Variants in PRKCH observed in about 807,000 individuals in gnomAD.
The protein encoded by PRKCH is protein kinase C eta.
A neutral mutation model predicts 82.5 loss-of-function variants in PRKCH; 28 were observed. The ratio of observed to expected loss-of-function variants is 0.34; its 90% CI spans 0.25 to 0.47. The LOEUF is 0.47. PRKCH is among the 20% of genes least tolerant of loss of function. The pLI is 1.00. For synonymous variants in PRKCH, 322 were observed against 327.4 expected (o/e 0.98, Z 0.18); for missense variants, 705 against 881.8 (o/e 0.80, Z 2.54).
chr14:61,416,204 C>T (rs755839818), intron 2 of PRKCH, among the ~76,000 whole-genome samples: 4 of 151,874 alleles, frequency 2.6e-5, no homozygotes, highest in African/African-American at 4.8e-5. Flanking sequence ...TACAGGTGTG[C>T]ACCACCAAGC....
chr14:61,296,919 T>C (rs1217218998), intron 1 of PRKCH, among the ~76,000 whole-genome samples: 1 of 152,226 alleles, frequency 6.6e-6, no homozygotes, highest in Non-Finnish European at 1.5e-5. Context: ...TGTAGTTATC[T>C]ATGCAATATG....
At chr14:61,227,475 T>C (rs945889730) in intron 1 of PRKCH, among the ~76,000 whole-genome samples, 13 of 152,124 alleles carry the variant, frequency 8.5e-5, no homozygotes, top group African/African-American at 3.1e-4. Flanking sequence ...GCGCCCGTAG[T>C]CCCAGCGACT....
At chr14:61,240,595 G>A (rs544689922) in intron 1 of PRKCH, among the ~76,000 whole-genome samples, 87 of 151,758 alleles carry the variant, frequency 5.7e-4, no homozygotes, top group African/African-American at 2.0e-3. Flanking sequence ...AGCCTCTTTC[G>A]GTTAGAAAGG....
At chr14:61,250,050 A>T (rs1451615580) in intron 1 of PRKCH, among the ~76,000 whole-genome samples, 1 of 142,090 alleles carries the variant, frequency 7.0e-6, no homozygotes, top group Non-Finnish European at 1.5e-5. Flanking sequence ...ACTTGAGGTC[A>T]GGAGTTCAAG....
chr14:61,408,629 A>G (rs1010379586), intron 2 of PRKCH, among the ~76,000 whole-genome samples: 1 of 152,204 alleles, frequency 6.6e-6, no homozygotes, highest in Admixed American at 6.5e-5. Context: ...CAAAGGTTAC[A>G]TGAGCTTATG....
In PRKCH at chr14:61,546,431, T is replaced by G. The variant is rs1021511911; in HGVS notation, c.1762-1312T>G. ...ATTAAACCCTGTCAGTATATTCATT[T>G]ATTAGCTGCCCTTTGAAGCTTTTTT... On this transcript the variant is annotated intron_variant, in intron 12 of 13. Transcript: ENST00000332981. Among the ~76,000 whole-genome samples, 13 of 152,260 alleles carry G rather than the reference T, an allele frequency of 8.5e-5. No homozygotes were observed. In the South Asian group the frequency reaches 1.0e-3, roughly 12 times the overall value.
At chr14:61,426,337 T>G (rs1883107604) in intron 2 of PRKCH, among the ~76,000 whole-genome samples, 1 of 134,452 alleles carries the variant, frequency 7.4e-6, no homozygotes, top group African/African-American at 2.8e-5. Flanking sequence ...TCACCTTCAA[T>G]GAAAACAATT....
intron 1 of PRKCH, among the ~76,000 whole-genome samples, chr14:61,244,279 G>T (rs1566792494): frequency 2.6e-5 from 4 of 152,090 alleles, no homozygotes; most frequent in Non-Finnish European, 5.9e-5. Context: ...AATTGGGAGG[G>T]TTTTTTTCAG....
At chr14:61,202,958 G>A (rs762933391) in intron 1 of PRKCH, among the ~76,000 whole-genome samples, 13 of 151,924 alleles carry the variant, frequency 8.6e-5, no homozygotes, top group East Asian at 5.8e-4. Flanking sequence ...AATGTCATGC[G>A]TCCACCATGA....
At chr14:61,392,108 T>G (rs2046692129) in intron 2 of PRKCH, among the ~76,000 whole-genome samples, 1 of 152,148 alleles carries the variant, frequency 6.6e-6, no homozygotes, top group Non-Finnish European at 1.5e-5. Flanking sequence ...TATTTCTGAG[T>G]AGTAGTATCC....
chr14:61,440,719 C>T (rs769295313), intron 2 of PRKCH, among the ~76,000 whole-genome samples: 40 of 152,084 alleles, frequency 2.6e-4, no homozygotes, highest in Non-Finnish European at 4.9e-4. Flanking sequence ...ACTAAAAATA[C>T]GAAAATTAGC....
At chr14:61,521,264 A>G (rs1400508517) in intron 10 of PRKCH, among the ~76,000 whole-genome samples, 1 of 152,238 alleles carries the variant, frequency 6.6e-6, no homozygotes, top group Non-Finnish European at 1.5e-5. Context: ...ATAACATTTA[A>G]AAATTCTATT....
intron 1 of PRKCH, among the ~76,000 whole-genome samples, chr14:61,272,344 C>CTTTTTTTTTTGTTTTTTT (rs2045163755): frequency 4.2e-5 from 1 of 23,582 alleles, no homozygotes; most frequent in African/African-American, 1.3e-4. Context: ...TTTTTTCTTT[C>CTTTTTTTTTTGTTTTTTT]TTTTTTTTTT....
intron 12 of PRKCH, among the ~76,000 whole-genome samples, chr14:61,542,692 C>G (rs371907469): frequency 9.5e-4 from 144 of 152,254 alleles, no homozygotes; most frequent in African/African-American, 3.3e-3. Flanking sequence ...TGTAGTCTCT[C>G]AGCAGCTTTC....
intron 1 of PRKCH, among the ~76,000 whole-genome samples, chr14:61,292,015 C>A (rs963377158): frequency 6.6e-6 from 1 of 152,100 alleles, no homozygotes; most frequent in Non-Finnish European, 1.5e-5. Context: ...GCCTCTAGAA[C>A]CTTGTGTAGA....
intron 2 of PRKCH, among the ~76,000 whole-genome samples, chr14:61,427,776 G>C (rs1447640366): frequency 6.6e-6 from 1 of 151,968 alleles, no homozygotes; most frequent in Non-Finnish European, 1.5e-5. Context: ...TGTAGAGACA[G>C]GGTTTCATCA....
rs140417175 is a variant in PRKCH, at chr14:61,489,464, C to T, written c.1433+3808C>T. Among the ~76,000 whole-genome samples the T allele has an allele frequency of 2.4e-3, 367 of 152,354 alleles. 2 individuals are homozygous for T. Among genetic ancestry groups the T allele is most frequent in the African/African-American group, 8.3e-3 (346 of 41,566 alleles). On this transcript the variant is annotated intron_variant, in intron 10 of 13. Coordinates refer to ENST00000332981, the MANE Select transcript of PRKCH (RefSeq NM_006255.5). ...AGGACATGGGCCAGTTACGTTTGCACGCATTCCGTCTTGTGTTCTGACCCT... is the reference window on the plus strand; with the variant it reads ...AGGACATGGGCCAGTTACGTTTGCATGCATTCCGTCTTGTGTTCTGACCCT...
At chr14:61,229,386 C>T (rs116203828) in intron 1 of PRKCH, among the ~76,000 whole-genome samples, 251 of 152,298 alleles carry the variant, frequency 1.6e-3, no homozygotes, top group African/African-American at 5.7e-3. Context: ...AGGCTTTTAG[C>T]TGCCTGAATA....
chr14:61,196,396 T>C (rs1566776740), intron 1 of PRKCH, among the ~76,000 whole-genome samples: 1 of 152,198 alleles, frequency 6.6e-6, no homozygotes, highest in Non-Finnish European at 1.5e-5. Context: ...GTTTAGGTAA[T>C]TGCTTTACAT....
Sources: allele counts gnomAD v4.1 joint callset (sites outside exome capture counted in the v4.1 genomes callset), GRCh38; gene constraint gnomAD v4.1.1; transcripts MANE v1.5; gene names NCBI Gene and HGNC (gene_info 2026-07-23, HGNC 2026-07-21).